Variants in CEP63 observed in about 807,000 individuals in gnomAD.
The protein encoded by CEP63 is centrosomal protein of 63 kDa.
In CEP63, 84 loss-of-function variants were observed where a neutral mutation model predicts 89.1. That is an observed-to-expected ratio of 0.94 (90% CI 0.79 to 1.13). CEP63 has a LOEUF of 1.13. Among genes scored for constraint, CEP63 ranks in the 50% most tolerant of loss-of-function variants. CEP63 has a pLI of 0.00. For synonymous variants in CEP63, 267 were observed against 272.5 expected (o/e 0.98, Z 0.20); for missense variants, 838 against 813.3 (o/e 1.03, Z -0.37).
At chr3:134,667,499 T>C in the CEP63 span, among the ~76,000 whole-genome samples, 2 of 152,206 alleles carry the variant, frequency 1.3e-5, no homozygotes, top group African/African-American at 4.8e-5. Context: ...GAAAACAGTA[T>C]GTGTGCATGG....
chr3:134,578,646 T>C (rs1958275955), downstream of CEP63, among the ~76,000 whole-genome samples: 1 of 151,962 alleles, frequency 6.6e-6, no homozygotes, highest in Admixed American at 6.6e-5. Flanking sequence ...GTGATTGATT[T>C]GCATTTCTTT....
intron 3 of CEP63, among the ~76,000 whole-genome samples, chr3:134,527,300 CAG>C (rs1948859241): frequency 6.6e-6 from 1 of 152,106 alleles, no homozygotes; most frequent in Non-Finnish European, 1.5e-5. Context: ...CTGGCAGTTG[CAG>C]GTCTGTGTGC....
the CEP63 span, among the ~76,000 whole-genome samples, chr3:134,739,302 T>C: frequency 6.6e-6 from 1 of 152,210 alleles, no homozygotes; most frequent in Non-Finnish European, 1.5e-5. Flanking sequence ...TTATTGAGGA[T>C]GTGGAGTCAT....
the CEP63 span, among the ~76,000 whole-genome samples, chr3:134,743,784 T>C: frequency 1.1e-4 from 16 of 152,228 alleles, no homozygotes; most frequent in South Asian, 3.1e-3. Flanking sequence ...AACAATGTCC[T>C]CCCAAAAAAC....
At chr3:134,687,382 C>G in the CEP63 span, among the ~76,000 whole-genome samples, 5 of 152,238 alleles carry the variant, frequency 3.3e-5, no homozygotes, top group Admixed American at 6.5e-5. Flanking sequence ...GCAGCAAACA[C>G]AGAGCGGTGA....
At chr3:134,643,191 C>A in the CEP63 span, 1 of 802,816 alleles carries the variant, frequency 1.2e-6, no homozygotes, top group East Asian at 2.6e-5. Context: ...TTCCAACACC[C>A]ATGGGAGCAG....
chr3:134,641,395 C>T, the CEP63 span: 1 of 152,128 alleles, frequency 6.6e-6, no homozygotes, highest in Non-Finnish European at 1.5e-5. Flanking sequence ...CCACACATAT[C>T]CTTAAACAAG....
chr3:134,628,161 T>G, the CEP63 span: 1 of 295,088 alleles, frequency 3.4e-6, no homozygotes. Flanking sequence ...TCCTGCTTTC[T>G]TGAATCCACT....
the CEP63 span, among the ~76,000 whole-genome samples, chr3:134,655,744 C>T: frequency 1.3e-5 from 2 of 152,190 alleles, no homozygotes; most frequent in Non-Finnish European, 2.9e-5. Flanking sequence ...GGAAGATGGT[C>T]TTAACAATCA....
At chr3:134,651,026 C>T in the CEP63 span, 24 of 1,603,772 alleles carry the variant, frequency 1.5e-5, no homozygotes, top group African/African-American at 2.7e-5. Context: ...TGCAAATGGC[C>T]CCGTGCGCGC....
chr3:134,642,727 A>T, the CEP63 span, among the ~76,000 whole-genome samples: 1 of 152,214 alleles, frequency 6.6e-6, no homozygotes, highest in African/African-American at 2.4e-5. Context: ...GAGGGCTTGG[A>T]TGCCATGAGC....
chr3:134,506,943 A>AT (rs1559891597), intron 2 of CEP63, among the ~76,000 whole-genome samples, 166 bp from the exon 3 acceptor site: 2 of 150,018 alleles, frequency 1.3e-5, no homozygotes, highest in East Asian at 3.9e-4. Flanking sequence ...AAAAAAAAAA[A>AT]GCTCAGCAAT....
At chr3:134,595,159 GGTAATT>G in the CEP63 span, among the ~76,000 whole-genome samples, 1 of 152,186 alleles carries the variant, frequency 6.6e-6, no homozygotes, top group Non-Finnish European at 1.5e-5. Context: ...CCAAGTGGGA[GGTAATT>G]TAATCATGGG....
chr3:134,527,580 G>A (rs570665000), intron 3 of CEP63, among the ~76,000 whole-genome samples: 13 of 152,182 alleles, frequency 8.5e-5, no homozygotes, highest in Non-Finnish European at 1.3e-4. Context: ...AAAACCTGCC[G>A]GCATAGGCAC....
intron 9 of CEP63, 28 bp downstream of exon 9, chr3:134,547,500 A>G: frequency 6.2e-7 from 1 of 1,603,484 alleles, no homozygotes; most frequent in Admixed American, 1.7e-5. Context: ...CATTTCAAAA[A>G]TTTCAAGTTG....
At chr3:134,721,791 T>C in the CEP63 span, among the ~76,000 whole-genome samples, 1 of 152,170 alleles carries the variant, frequency 6.6e-6, no homozygotes, top group African/African-American at 2.4e-5. Flanking sequence ...TTTTGTATGT[T>C]AAACTAATCT....
At chr3:134,491,149 C>G (rs1264580851) in intron 1 of CEP63, among the ~76,000 whole-genome samples, 1 of 152,186 alleles carries the variant, frequency 6.6e-6, no homozygotes, top group African/African-American at 2.4e-5. Context: ...TTACCAAAGT[C>G]TCCTCTATAG....
At position 134,495,374 on chromosome 3, in the gene CEP63, CT is replaced by C; in HGVS notation, c.44+17del. 6.2e-7 allele frequency: 1 copy of C among 1,602,978 alleles called. No homozygotes were observed. The highest frequency in any genetic ancestry group is 8.5e-7 in the Non-Finnish European group (1 of 1,170,382). On this transcript the variant is annotated intron_variant, in intron 2 of 14. Coordinates refer to ENST00000675561, the MANE Select transcript of CEP63 (RefSeq NM_001353108.3). ...ATCGAGGGCATGGTGGGTAAGTTTG[CT>C]TTTTTTAAAATTAATTTTTTTGGTT...
chr3:134,731,397 A>C, the CEP63 span, among the ~76,000 whole-genome samples: 1 of 152,220 alleles, frequency 6.6e-6, no homozygotes, highest in Admixed American at 6.5e-5. Context: ...CAAAGAATCA[A>C]TGATATAGAG....
Sources: gnomAD v4.1 joint callset for allele counts (sites outside exome capture counted in the v4.1 genomes callset) on GRCh38, gnomAD v4.1.1 for gene constraint, MANE v1.5 for transcripts, NCBI Gene and HGNC (gene_info 2026-07-23, HGNC 2026-07-21) for gene names.